The following INTS7 variants were observed in gnomAD, a reference collection of about 807,000 sequenced individuals.
INTS7 encodes integrator complex subunit 7, also known as chromosome 1 open reading frame 73.
Under a neutral mutation model 109.2 loss-of-function variants are expected in INTS7, and 46 were observed. The ratio of observed to expected loss-of-function variants is 0.42; its 90% CI spans 0.33 to 0.54. The LOEUF (loss-of-function observed/expected upper bound fraction) is 0.54. Ranked by LOEUF, INTS7 falls within the 20% of genes least tolerant of loss-of-function variation. The pLI, the probability that INTS7 is intolerant of heterozygous loss-of-function variation, is 0.07. For missense variants in INTS7, 929 were observed against 1,132.4 expected (o/e 0.82, Z 2.58); for synonymous variants, 412 against 402.9 (o/e 1.02, Z -0.27).
intron 11 of INTS7, among the ~76,000 whole-genome samples, chr1:211,977,886 A>G (rs1029428905): frequency 6.6e-6 from 1 of 152,018 alleles, no homozygotes; most frequent in Non-Finnish European, 1.5e-5. Context: ...TTTAACTTCT[A>G]TTTTCTAAAG....
chr1:211,978,432 T>G lies in INTS7; in HGVS notation c.1310A>C (p.Gln437Pro), dbSNP rs768641891. 13 of 1,614,088 alleles carry G rather than the reference T, an allele frequency of 8.1e-6. No individual in the cohort carries two copies. The Admixed American group carries it at 1.2e-4, about 14-fold the overall frequency. Reference protein sequence around the residue: ...SQSVVETLLTQLHSAQDAARI... With the variant: ...SQSVVETLLTPLHSAQDAARI... ...GGCAGCGTCTTGAGCACTGTGCAAT[T>G]GAGTCAACAAGGTCTCAACTACTGA... The change falls in exon 11 of 20, where the codon CAA becomes CCA. Residue 437 changes from glutamine (Q) to proline (P), a missense_variant. This residue lies in a region of INTS7 where 787 missense variants were observed against 901.1 expected (regional missense o/e 0.87). Transcript: ENST00000366994.
At chr1:212,016,838 T>G in intron 4 of INTS7, 48 bp downstream of exon 4, 1 of 1,537,934 alleles carries the variant, frequency 6.5e-7, no homozygotes, top group Non-Finnish European at 8.8e-7. Flanking sequence ...TCAAAAATTT[T>G]TCTTGGGAAG....
At position 211,982,737 on chromosome 1, in the gene INTS7, C is replaced by T; in HGVS notation, c.1071G>A (p.Arg357=). ...LAQECCYHNN[R]GIAAHGVRVL... ...CTCTAACTCCATGAGCTGCAATGCC[C>T]CTGTTATTATGGTAACAGCACTCTT... Residue 357 remains arginine, a synonymous_variant, in exon 9 of 20, where the codon AGG becomes AGA. Coordinates refer to ENST00000366994, the MANE Select transcript of INTS7 (RefSeq NM_015434.4). The T allele has an allele frequency of 6.2e-7, 1 of 1,611,004 alleles. No homozygotes were observed. The highest frequency in any genetic ancestry group is 8.5e-7 in the Non-Finnish European group (1 of 1,177,638).
intron 16 of INTS7, among the ~76,000 whole-genome samples, chr1:211,953,261 T>G (rs987358841): frequency 6.6e-6 from 1 of 152,190 alleles, no homozygotes; most frequent in Non-Finnish European, 1.5e-5. Context: ...GAAGACAGTC[T>G]GTATACACAG....
intron 7 of INTS7, among the ~76,000 whole-genome samples, chr1:211,990,777 G>C (rs570703240): frequency 1.8e-4 from 27 of 152,126 alleles, no homozygotes; most frequent in Non-Finnish European, 4.0e-4. Flanking sequence ...AAAGGATAGA[G>C]GCTAAGTAAG....
chr1:211,982,803 C>A lies in INTS7; in HGVS notation c.1005G>T (p.Val335=), dbSNP rs1302640413. ...KHYFSIVPGN[V]SSSPRSSDLV... ...AATCAGAAGATCTGGGAGAAGAACTCACATTTCCTAAAAAAGCAGAGAAAA... is the reference window on the plus strand; with the variant it reads ...AATCAGAAGATCTGGGAGAAGAACTAACATTTCCTAAAAAAGCAGAGAAAA... The change falls in exon 9 of 20, where the codon GTG becomes GTT. Residue 335 remains valine, a synonymous_variant. Coordinates refer to ENST00000366994, the MANE Select transcript of INTS7 (RefSeq NM_015434.4). 3 of 1,602,726 alleles carry A rather than the reference C, an allele frequency of 1.9e-6. No individual in the cohort carries two copies. The highest frequency in any genetic ancestry group is 1.7e-6 in the Non-Finnish European group (2 of 1,174,296).
At chr1:211,954,472 A>G (rs930511193) in intron 16 of INTS7, among the ~76,000 whole-genome samples, 9 of 152,266 alleles carry the variant, frequency 5.9e-5, no homozygotes, top group Middle Eastern at 3.4e-3. Flanking sequence ...GTCCTTGCCC[A>G]TGCCTATGTC....
At chr1:212,027,551 T>C (rs1010571878) in intron 1 of INTS7, among the ~76,000 whole-genome samples, 3 of 152,220 alleles carry the variant, frequency 2.0e-5, no homozygotes, top group African/African-American at 7.2e-5. Flanking sequence ...AGTTGCAACA[T>C]GCATGTAGAC....
At chr1:211,979,791 C>T (rs1012703364) in intron 10 of INTS7, among the ~76,000 whole-genome samples, 1 of 152,158 alleles carries the variant, frequency 6.6e-6, no homozygotes, top group African/African-American at 2.4e-5. Context: ...TACTGTAATT[C>T]GATTCCATCT....
intron 13 of INTS7, among the ~76,000 whole-genome samples, chr1:211,970,431 G>A (rs1664120272): frequency 6.6e-6 from 1 of 152,166 alleles, no homozygotes; most frequent in South Asian, 2.1e-4. Context: ...CTTAAAACAC[G>A]CTGATGCTGT....
At chr1:211,958,950 C>G (rs530132943) in intron 16 of INTS7, among the ~76,000 whole-genome samples, 1 of 152,248 alleles carries the variant, frequency 6.6e-6, no homozygotes, top group South Asian at 2.1e-4. Flanking sequence ...AGGGAAGACA[C>G]AGAAGCTGGG....
At chr1:212,014,965 G>A (rs1347203027) in intron 4 of INTS7, among the ~76,000 whole-genome samples, 1 of 152,138 alleles carries the variant, frequency 6.6e-6, no homozygotes, top group African/African-American at 2.4e-5. Context: ...CCCCGTCTGG[G>A]AAGTGAGGAG....
In INTS7 at chr1:211,987,980, C is replaced by A; in HGVS notation, c.903G>T (p.Gln301His). 1.2e-6 allele frequency: 2 copies of A among 1,606,140 alleles called. No individual in the cohort carries two copies. The highest frequency in any genetic ancestry group is 2.2e-5 in the South Asian group (2 of 90,584). The change falls in exon 8 of 20, where the codon CAG (glutamine) becomes CAT (histidine). Residue 301 changes from glutamine to histidine, a missense_variant. Around this residue, in one of 2 missense-constraint regions of INTS7, gnomAD observed 787 missense variants for 901.1 expected, o/e 0.87. Coordinates refer to ENST00000366994, the MANE Select transcript of INTS7 (RefSeq NM_015434.4). Reference protein sequence around the residue: ...NIQALCECALQTPYDSLKLGM... With the variant: ...NIQALCECALHTPYDSLKLGM... ...CTAGTTTTAAGCTGTCATAAGGAGT[C>A]TGGAGGGCACACTCACAAAGTGCCT...
chr1:211,972,578 A>G (rs1353141490), intron 13 of INTS7, among the ~76,000 whole-genome samples: 1 of 152,200 alleles, frequency 6.6e-6, no homozygotes, highest in Non-Finnish European at 1.5e-5. Flanking sequence ...AACCTACAAC[A>G]TCTTTTGAAG....
At chr1:212,006,288 TAA>T (rs367561667) in intron 7 of INTS7, among the ~76,000 whole-genome samples, 37 of 152,202 alleles carry the variant, frequency 2.4e-4, no homozygotes, top group Middle Eastern at 3.4e-3. Context: ...CCATTACAGA[TAA>T]CATTCAGCCC....
intron 1 of INTS7, among the ~76,000 whole-genome samples, chr1:212,032,577 C>G (rs953133613): frequency 6.6e-6 from 1 of 151,754 alleles, no homozygotes; most frequent in African/African-American, 2.4e-5. Context: ...CCCAGGTTCA[C>G]GCCATTCTCC....
Position 212,006,773 on chromosome 1 carries a change from A to G in INTS7, c.757-12T>C, listed in dbSNP as rs777248297. 3.1e-6 allele frequency: 5 copies of G among 1,593,654 alleles called. No individual in the cohort carries two copies. Among genetic ancestry groups the G allele is most frequent in the East Asian group, 4.5e-5 (2 of 44,232 alleles). ...AACAGAAGCTGAATCTATAAAGGAA[A>G]TAAGTCACTCCATAAACAATACTGT... On this transcript the variant is annotated splice_polypyrimidine_tract_variant and intron_variant, in intron 6 of 19. Transcript: ENST00000366994.
At chr1:211,998,652 A>ATTTT (rs1665520038) in intron 7 of INTS7, among the ~76,000 whole-genome samples, 1 of 152,098 alleles carries the variant, frequency 6.6e-6, no homozygotes, top group Non-Finnish European at 1.5e-5. Context: ...GATAAAATAC[A>ATTTT]ACCTATAAAA....
rs1664306386 is a variant in INTS7, at chr1:211,974,270, A to AT, written c.1815+895_1815+896insA. Among the ~76,000 whole-genome samples the AT allele has an allele frequency of 2.5e-3, 258 of 101,846 alleles. 3 individuals carry two copies. Among genetic ancestry groups the AT allele is most frequent in the African/African-American group, 8.8e-3 (238 of 27,010 alleles). 66.8% of individuals were successfully genotyped at this position (101,846 alleles called of 152,430 possible). ...AGGAAACAACAATCTCTTCCCAGAA[A>AT]AAAAAAATATATATATATATATATA... On this transcript the variant is annotated intron_variant, in intron 13 of 19. Coordinates refer to ENST00000366994, the MANE Select transcript of INTS7 (RefSeq NM_015434.4).
Sources: allele counts gnomAD v4.1 joint callset (sites outside exome capture counted in the v4.1 genomes callset), GRCh38; gene constraint gnomAD v4.1.1; regional missense constraint gnomAD v4.1.1; transcripts MANE v1.5; gene names NCBI Gene and HGNC (gene_info 2026-07-23, HGNC 2026-07-21).